Variants in DMKN observed in about 807,000 individuals in gnomAD.
The protein encoded by DMKN is dermokine.
Under a neutral mutation model 67.6 loss-of-function variants are expected in DMKN, and 58 were observed. That is an observed-to-expected ratio of 0.86 (90% CI 0.69 to 1.07). DMKN has a LOEUF of 1.07. Ranked by LOEUF, DMKN falls within the 50% of genes least tolerant of loss-of-function variation. The pLI is 0.00. For synonymous variants in DMKN, 240 were observed against 232.3 expected (o/e 1.03, Z -0.30); for missense variants, 596 against 601.5 (o/e 0.99, Z 0.10).
intron 11 of DMKN, 114 bp from the exon 12 acceptor site, chr19:35,500,694 G>C: frequency 8.2e-7 from 1 of 1,214,822 alleles, no homozygotes; most frequent in African/African-American, 1.5e-5. Flanking sequence ...TACCTATAGA[G>C]AAGGCAGTGA....
intron 7 of DMKN, 32 bp from the exon 8 acceptor site, chr19:35,506,018 AG>A: frequency 6.2e-7 from 1 of 1,614,172 alleles, no homozygotes. Context: ...GGATGAGAGA[AG>A]AACCCACTTT....
At position 35,500,025 on chromosome 19, in the gene DMKN, T is replaced by C. The variant is rs1238403700; in HGVS notation, c.1292A>G (p.Tyr431Cys). 1.2e-6 allele frequency: 2 copies of C among 1,614,208 alleles called. No homozygotes were observed. Among genetic ancestry groups the C allele is most frequent in the East Asian group, 2.2e-5 (1 of 44,876 alleles). ...GGGATACGCATGCTGGTTGTAATTG[T>C]AGTTCTGTGGAAGAAGTGGGCATGG... ...QKRAGRDDQNYNYNQHAYPTA... is the reference protein window; with the variant it reads ...QKRAGRDDQNCNYNQHAYPTA... Residue 431 changes from tyrosine to cysteine, a missense_variant, in exon 13 of 16, where the codon TAC becomes TGC. Transcript: ENST00000339686.
At chr19:35,506,249 C>T in intron 7 of DMKN, 1 of 1,442,550 alleles carries the variant, frequency 6.9e-7, no homozygotes, top group Non-Finnish European at 9.1e-7. Context: ...TGCCACCTGT[C>T]AACCTGCCCC....
Position 35,513,262 on chromosome 19 carries a change from C to T in DMKN, c.214G>A (p.Gly72Ser), listed in dbSNP as rs1568655254. The T allele has an allele frequency of 1.2e-6, 2 of 1,613,962 alleles. No homozygotes were observed. The highest frequency in any genetic ancestry group is 1.7e-6 in the Non-Finnish European group (2 of 1,179,884). Residue 72 changes from glycine to serine, a missense_variant, in exon 1 of 16, where the codon GGC (glycine) becomes AGC (serine). Transcript: ENST00000339686. ...CCAACTGCTTCTCTGGTCCCTTGGC[C>T]AAGGGCCTCACTGACTTTAGAGCCA... ...AAGSKVSEAL[G>S]QGTREAVGTG...
intron 9 of DMKN, 46 bp from the exon 10 acceptor site, chr19:35,502,932 A>G: frequency 6.3e-7 from 1 of 1,580,232 alleles, no homozygotes; most frequent in Admixed American, 1.7e-5. Context: ...GCCTGGGCCC[A>G]CTCACCCACC....
chr19:35,508,279 G>C, intron 7 of DMKN: 1 of 1,550,672 alleles, frequency 6.4e-7, no homozygotes, highest in South Asian at 1.2e-5. Flanking sequence ...CCCTGCTGAA[G>C]ATCCTGAGGC....
chr19:35,511,801 G>A lies in DMKN; in HGVS notation c.697C>T (p.Pro233Ser), dbSNP rs1450595959. The A allele has an allele frequency of 1.2e-6, 2 of 1,613,264 alleles. No individual in the cohort carries two copies. The highest frequency in any genetic ancestry group is 2.2e-5 in the East Asian group (1 of 44,860). ...SNQNEGCTNP[P>S]PSGSGGGSSN... is the part of the protein sequence containing the mutation. ...GAGCCTCCACCTGAGCCAGATGGTG[G>A]GGGATTCGTGCACTGTCGAGGGAAA... Residue 233 changes from proline to serine, a missense_variant, in exon 4 of 16, where the codon CCA (proline) becomes TCA (serine). Pro to Ser is a moderately conservative substitution (Grantham distance 74). Coordinates refer to ENST00000339686, the MANE Select transcript of DMKN (RefSeq NM_033317.5).
Position 35,500,250 on chromosome 19 carries a change from C to CCTCCTA in DMKN, c.1288-227_1288-222dup, listed in dbSNP as rs975735957. The CCTCCTA allele has an allele frequency of 2.2e-6, 3 of 1,368,590 alleles. No homozygotes were observed. In the Admixed American group the frequency reaches 6.4e-5, roughly 29 times the overall value. The allele number at this position is 1,368,590 out of a possible 1,614,324, so 84.8% of individuals were successfully genotyped here. Reference sequence around the variant, plus strand: ...CTAGCCCAAATGGCCGCCGCCTCCTCCTCCTACTCCTCCTCCTGCCCTCAA... The same window carrying CCTCCTA: ...CTAGCCCAAATGGCCGCCGCCTCCTCCTCCTACTCCTACTCCTCCTCCTGCCCTCAA... On this transcript the variant is annotated intron_variant, in intron 12 of 15. Transcript: ENST00000339686.
At chr19:35,510,346 A>G (rs2070520939) in intron 5 of DMKN, 94 bp from the exon 6 acceptor site, 3 of 1,552,610 alleles carry the variant, frequency 1.9e-6, no homozygotes, top group South Asian at 1.2e-5. Flanking sequence ...TGGAACCCCA[A>G]TCAGATTCCA....
At chr19:35,501,484 G>A (rs1185025239) in intron 11 of DMKN, among the ~76,000 whole-genome samples, 1 of 152,184 alleles carries the variant, frequency 6.6e-6, no homozygotes, top group South Asian at 2.1e-4. Context: ...GGAGCGCCTC[G>A]ACCTCCCCCT....
At chr19:35,504,927 G>C (rs765144848) in intron 9 of DMKN, among the ~76,000 whole-genome samples, 3 of 151,160 alleles carry the variant, frequency 2.0e-5, no homozygotes, top group Non-Finnish European at 4.4e-5. Context: ...CATGGAAATG[G>C]AACCCAGTGT....
chr19:35,513,210 A>C lies in DMKN; in HGVS notation c.266T>G (p.Phe89Cys). The C allele has an allele frequency of 6.2e-7, 1 of 1,614,166 alleles. No individual in the cohort carries two copies. The highest frequency in any genetic ancestry group is 8.5e-7 in the Non-Finnish European group (1 of 1,180,022). ...VGTGVRQVPG[F>C]GVADALGNRV... Reference sequence around the variant, plus strand: ...GTTGCCCAAAGCATCTGCTACGCCAAAGCCTGGAACCTGCCTGACTCCAGT... The same window carrying C: ...GTTGCCCAAAGCATCTGCTACGCCACAGCCTGGAACCTGCCTGACTCCAGT... The change falls in exon 1 of 16, where the codon TTT becomes TGT. Residue 89 changes from phenylalanine to cysteine, a missense_variant. Physicochemically the swap from Phe to Cys is radical, Grantham distance 205 (BLOSUM62 -2). Transcript: ENST00000339686.
intron 11 of DMKN, chr19:35,501,766 G>A: frequency 6.7e-7 from 1 of 1,493,798 alleles, no homozygotes; most frequent in Non-Finnish European, 9.0e-7. Context: ...CCGCAGCCTA[G>A]GCCCCTTCTT....
chr19:35,502,800 C>A, intron 10 of DMKN, 30 bp downstream of exon 10: 1 of 1,613,502 alleles, frequency 6.2e-7, no homozygotes. Context: ...GCCAGGCCCC[C>A]AGTTCTTCAA....
intron 7 of DMKN, chr19:35,506,496 G>A (rs760845624): frequency 6.9e-5 from 37 of 539,574 alleles, no homozygotes; most frequent in African/African-American, 3.2e-4. Context: ...CCCACGGCAC[G>A]CCAAGCACCA....
intron 15 of DMKN, chr19:35,498,416 C>G: frequency 2.1e-6 from 1 of 470,352 alleles, no homozygotes; most frequent in East Asian, 3.9e-5. Flanking sequence ...GCTATATTGC[C>G]CAGTCTGGTC....
At chr19:35,512,340 G>C in intron 3 of DMKN, 81 bp downstream of exon 3, 1 of 1,549,294 alleles carries the variant, frequency 6.5e-7, no homozygotes, top group Non-Finnish European at 8.7e-7. Flanking sequence ...CCCCCATCTT[G>C]CTTTCCTCTT....
rs1212000615 is a variant in DMKN at position 35,503,184 on chromosome 19, T to TC, written c.1135-299dup. The stretch of plus-strand genomic sequence containing the variant: ...CAAGACTAGGACCTGCCTCAGAGTG[T>TC]CCCCTTTCCACCTGCCGGGCCTCCT... On this transcript the variant is annotated intron_variant, in intron 9 of 15. Coordinates refer to ENST00000339686, the MANE Select transcript of DMKN (RefSeq NM_033317.5). 2.9e-6 allele frequency: 4 copies of TC among 1,364,890 alleles called. No homozygotes were observed. In the African/African-American group the frequency reaches 4.4e-5, roughly 15 times the overall value. 84.5% of individuals were successfully genotyped at this position (1,364,890 alleles called of 1,614,324 possible).
chr19:35,502,979 T>A (rs188168799), intron 9 of DMKN, 93 bp from the exon 10 acceptor site: 1 of 1,375,522 alleles, frequency 7.3e-7, no homozygotes, highest in African/African-American at 1.4e-5. Context: ...ACCTTCAGAA[T>A]GTCATTGTGA....
Sources: gnomAD v4.1 joint callset for allele counts (sites outside exome capture counted in the v4.1 genomes callset) on GRCh38, gnomAD v4.1.1 for gene constraint, MANE v1.5 for transcripts, NCBI Gene and HGNC (gene_info 2026-07-23, HGNC 2026-07-21) for gene names.